RBFOX3: variants seen among roughly 807,000 people sequenced by gnomAD.
RBFOX3 encodes RNA binding protein fox-1 homolog 3.
In RBFOX3, 17 loss-of-function variants were observed where a neutral mutation model predicts 48.7. The ratio of observed to expected loss-of-function variants is 0.35; its 90% CI spans 0.24 to 0.52. The LOEUF is 0.52. Ranked by LOEUF, RBFOX3 falls within the 20% of genes least tolerant of loss-of-function variation. The pLI is 0.94. For missense variants in RBFOX3, 382 were observed against 497.5 expected (o/e 0.77, Z 2.21); for synonymous variants, 212 against 209.5 (o/e 1.01, Z -0.10).
At chr17:79,406,300 T>C (rs2063526087) in intron 2 of RBFOX3, among the ~76,000 whole-genome samples, 1 of 152,196 alleles carries the variant, frequency 6.6e-6, no homozygotes, top group South Asian at 2.1e-4. Context: ...TGGGGTCGGC[T>C]CAGCACTGCT....
intron 3 of RBFOX3, among the ~76,000 whole-genome samples, chr17:79,305,046 G>T (rs2075904918): frequency 6.6e-6 from 1 of 152,212 alleles, no homozygotes; most frequent in South Asian, 2.1e-4. Flanking sequence ...CTGTGGCCCT[G>T]CTCTCAGAGG....
intron 2 of RBFOX3, among the ~76,000 whole-genome samples, chr17:79,405,423 G>C (rs1211883733): frequency 6.6e-6 from 1 of 151,308 alleles, no homozygotes; most frequent in African/African-American, 2.4e-5. Context: ...TTTTTCTTTT[G>C]AGGTAAAAAT....
In RBFOX3 at chr17:79,364,219, T is replaced by G. The variant is rs528444786; in HGVS notation, c.-174-56395A>C. Reference sequence around the variant, plus strand: ...CTCTGCTCCACCTGCCTGCCCAGAGTAGGTCTGGCACAAAGTGAGCAGAGA... The same window carrying G: ...CTCTGCTCCACCTGCCTGCCCAGAGGAGGTCTGGCACAAAGTGAGCAGAGA... On this transcript the variant is annotated intron_variant, in intron 2 of 14. Transcript: ENST00000693108. The surrounding 1 kb of genome is among the most constrained non-coding windows in gnomAD (Gnocchi z 5.1). Among the ~76,000 whole-genome samples, 1 of 152,256 alleles carries G rather than the reference T, an allele frequency of 6.6e-6. No homozygotes were observed. The highest frequency in any genetic ancestry group is 1.9e-4 in the East Asian group (1 of 5,162).
intron 2 of RBFOX3, among the ~76,000 whole-genome samples, chr17:79,313,968 A>G (rs543375398): frequency 6.6e-6 from 1 of 152,246 alleles, no homozygotes; most frequent in East Asian, 1.9e-4. Context: ...CTTGCCCGCA[A>G]CTGCTGGGAG....
chr17:79,259,594 C>T (rs771137000), intron 3 of RBFOX3, among the ~76,000 whole-genome samples: 1 of 152,086 alleles, frequency 6.6e-6, no homozygotes, highest in Non-Finnish European at 1.5e-5. Context: ...TTGCCTGGGA[C>T]CGCATGGAAG....
intron 2 of RBFOX3, among the ~76,000 whole-genome samples, chr17:79,408,260 C>A (rs1231224540): frequency 6.6e-6 from 1 of 152,150 alleles, no homozygotes; most frequent in Non-Finnish European, 1.5e-5. Flanking sequence ...TCTCTCATCA[C>A]AGTGAGAAGT....
chr17:79,311,910 C>T lies in RBFOX3; in HGVS notation c.-174-4086G>A, dbSNP rs887704378. On this transcript the variant is annotated intron_variant, in intron 2 of 14. Coordinates refer to ENST00000693108, the MANE Select transcript of RBFOX3 (RefSeq NM_001350451.2). This position sits in a 1 kb window ranked among gnomAD's most constrained non-coding sequence, Gnocchi z 4.2. ...GCCCTCCTGAATGTAAGGTCAGGCG[C>T]GGCTGTGATGAGGACAACCCAGGTG... 6.6e-6 allele frequency among the ~76,000 whole-genome samples: 1 copy of T among 152,142 alleles called. No individual in the cohort carries two copies. The highest frequency in any genetic ancestry group is 2.4e-5 in the African/African-American group (1 of 41,432).
At chr17:79,399,795 C>T (rs889592861) in intron 2 of RBFOX3, among the ~76,000 whole-genome samples, 1 of 152,234 alleles carries the variant, frequency 6.6e-6, no homozygotes, top group Admixed American at 6.5e-5. Flanking sequence ...CACAGACCCT[C>T]GGGCGCTCCC....
intron 3 of RBFOX3, among the ~76,000 whole-genome samples, chr17:79,259,811 C>T (rs559616429): frequency 1.6e-4 from 24 of 152,252 alleles, no homozygotes; most frequent in South Asian, 8.3e-4. Flanking sequence ...CTGCAGCAGG[C>T]GCCATTCTCA....
rs369873707 is a variant in RBFOX3, at chr17:79,498,238, G to A, written c.-319-15640C>T. 1.1e-4 allele frequency among the ~76,000 whole-genome samples: 16 copies of A among 152,262 alleles called. No homozygotes were observed. In the East Asian group the frequency reaches 1.2e-3, roughly 11 times the overall value. On this transcript the variant is annotated intron_variant, in intron 1 of 14. Coordinates refer to ENST00000693108, the MANE Select transcript of RBFOX3 (RefSeq NM_001350451.2). ...CCCGCCATGACATCTGCCTTCATAG[G>A]AACTCGTTTTCCTTTTGCGCTCCTT...
intron 2 of RBFOX3, among the ~76,000 whole-genome samples, chr17:79,428,275 G>A (rs539100958): frequency 6.6e-6 from 1 of 152,318 alleles, no homozygotes; most frequent in Non-Finnish European, 1.5e-5. Flanking sequence ...CCTGCAGTGA[G>A]GGGAGGTGAG....
intron 4 of RBFOX3, among the ~76,000 whole-genome samples, chr17:79,224,110 G>A (rs2060044317): frequency 6.6e-6 from 1 of 152,078 alleles, no homozygotes; most frequent in South Asian, 2.1e-4. Context: ...AACATATGGT[G>A]GTCACTGAGG....
chr17:79,628,967 C>T, the RBFOX3 span, among the ~76,000 whole-genome samples: 1 of 152,220 alleles, frequency 6.6e-6, no homozygotes, highest in Non-Finnish European at 1.5e-5. Flanking sequence ...ATCCACTTTG[C>T]TATTTGCCCA....
rs748350325 is a variant in RBFOX3 at position 79,242,387 on chromosome 17, A to G, written c.-73-6582T>C. On this transcript the variant is annotated intron_variant, in intron 3 of 14. Transcript: ENST00000693108. This position sits in a 1 kb window ranked among gnomAD's most constrained non-coding sequence, Gnocchi z 5.8. ...GAAGGGTGCAATTTTATAAATCACT[A>G]TAAAATTATAAAATTTTTTATAAAT... 6.6e-6 allele frequency among the ~76,000 whole-genome samples: 1 copy of G among 152,156 alleles called. No individual in the cohort carries two copies. The highest frequency in any genetic ancestry group is 1.5e-5 in the Non-Finnish European group (1 of 68,028).
chr17:79,187,758 G>A (rs2053699385), intron 4 of RBFOX3, among the ~76,000 whole-genome samples: 1 of 152,152 alleles, frequency 6.6e-6, no homozygotes, highest in South Asian at 2.1e-4. Context: ...CAGGGTTGGA[G>A]TCAGGGAGAA....
chr17:79,452,562 A>G (rs4790045), intron 2 of RBFOX3, among the ~76,000 whole-genome samples: 121,685 of 152,048 alleles, frequency 0.8, 49,335 homozygotes, highest in Non-Finnish European at 0.88. Context: ...TGGGTCATTA[A>G]AGATCACCTT....
intron 4 of RBFOX3, among the ~76,000 whole-genome samples, chr17:79,142,882 A>C (rs8080872): frequency 0.5 from 75,618 of 151,980 alleles, 19,935 homozygotes; most frequent in Non-Finnish European, 0.59. Flanking sequence ...CCTGGGAGTA[A>C]TGCCCCCCAT....
At chr17:79,356,258 G>A (rs1311836313) in intron 2 of RBFOX3, among the ~76,000 whole-genome samples, 1 of 151,988 alleles carries the variant, frequency 6.6e-6, no homozygotes, top group African/African-American at 2.4e-5. Context: ...CAGACGGGGT[G>A]GGGGAGAGAG....
At chr17:79,620,509 GCATA>G in the RBFOX3 span, among the ~76,000 whole-genome samples, 1 of 135,840 alleles carries the variant, frequency 7.4e-6, no homozygotes, top group African/African-American at 2.9e-5. Context: ...ACACACATGC[GCATA>G]CGTGCACATG....
Sources: allele counts gnomAD v4.1 joint callset (sites outside exome capture counted in the v4.1 genomes callset), GRCh38; gene constraint gnomAD v4.1.1; non-coding constraint Gnocchi (gnomAD v3.1); transcripts MANE v1.5; gene names NCBI Gene and HGNC (gene_info 2026-07-23, HGNC 2026-07-21).